CER1: variants seen among roughly 807,000 people sequenced by gnomAD.
The protein encoded by CER1 is cerberus.
In CER1, 10 loss-of-function variants were observed where a neutral mutation model predicts 11.8. The observed-to-expected ratio is 0.85, with a 90% CI of 0.52 to 1.44. CER1 has a LOEUF of 1.44. Among genes scored for constraint, CER1 ranks in the 40% most tolerant of loss-of-function variants. The pLI is 0.00. For missense variants in CER1, 431 were observed against 327.0 expected, an observed-to-expected ratio of 1.32 and a Z score of -2.45; for synonymous variants, 141 against 122.3, an observed-to-expected ratio of 1.15 and a Z score of -1.01.
chr9:14,720,716 TTACA>T (rs1839997701), intron 1 of CER1, among the ~76,000 whole-genome samples: 1 of 152,234 alleles, frequency 6.6e-6, no homozygotes, highest in Non-Finnish European at 1.5e-5. Flanking sequence ...GGTAATTATC[TTACA>T]TAAGTAATGT....
downstream of CER1, among the ~76,000 whole-genome samples, chr9:14,719,556 TG>T (rs1563779967): frequency 1.9e-3 from 118 of 62,242 alleles, no homozygotes; most frequent in South Asian, 3.0e-3. Context: ...CCTGCCTGCC[TG>T]CCTGCCTTCC....
Position 14,720,205 on chromosome 9 carries a change from A to G in CER1, c.689T>C (p.Ile230Thr). Residue 230 changes from isoleucine (I) to threonine (T), a missense_variant, in exon 2 of 2, where the codon ATC (isoleucine) becomes ACC (threonine). Ile to Thr is a moderately conservative substitution (Grantham distance 89, BLOSUM62 -1). Transcript: ENST00000380911. ...CTCCTCCACCAGCATCACCACCTTG[A>G]TCACGGAGGAAAGTTCAGTGCAGTT... is the stretch of plus-strand genomic sequence containing the variant. The part of the protein sequence containing the change: ...PLNCTELSSV[I>T]KVVMLVEECQ... 6.2e-7 allele frequency: 1 copy of G among 1,614,176 alleles called. No individual in the cohort carries two copies. The highest frequency in any genetic ancestry group is 8.5e-7 in the Non-Finnish European group (1 of 1,180,022).
downstream of CER1, among the ~76,000 whole-genome samples, chr9:14,719,573 T>G (rs1231742552): frequency 1.7e-3 from 167 of 98,426 alleles, no homozygotes; most frequent in African/African-American, 8.4e-3. Flanking sequence ...CTTCCTTCCT[T>G]CCTTCCTTCC....
chr9:14,721,401 A>T (rs1840010591), intron 1 of CER1, among the ~76,000 whole-genome samples: 1 of 152,228 alleles, frequency 6.6e-6, no homozygotes, highest in African/African-American at 2.4e-5. Context: ...GATCATAATA[A>T]CTACAAATCA....
At chr9:14,720,845 G>C (rs1190031381) in intron 1 of CER1, among the ~76,000 whole-genome samples, 2 of 152,114 alleles carry the variant, frequency 1.3e-5, no homozygotes, top group Non-Finnish European at 2.9e-5. Flanking sequence ...ATCCTATTCT[G>C]CAAGACCTGT....
rs1246429641 is a variant in CER1, at chr9:14,719,931, C to T, written c.*159G>A. 1.5e-6 allele frequency: 1 copy of T among 654,078 alleles called. No individual in the cohort carries two copies. The highest frequency in any genetic ancestry group is 2.6e-6 in the Non-Finnish European group (1 of 382,546). 40.5% of individuals were successfully genotyped at this position (654,078 alleles called of 1,614,324 possible). On this transcript the variant is annotated 3_prime_UTR_variant, in exon 2 of 2. Transcript: ENST00000380911. ...CAAGGTCTCAAACGTGTACCAATAACTAGACTAATATCATTTCCTCTATCG... is the reference window on the plus strand; with the variant it reads ...CAAGGTCTCAAACGTGTACCAATAATTAGACTAATATCATTTCCTCTATCG...
chr9:14,717,929 C>T (rs1839958123), downstream of CER1, among the ~76,000 whole-genome samples: 1 of 152,138 alleles, frequency 6.6e-6, no homozygotes, highest in African/African-American at 2.4e-5. Context: ...AAATTGTTAA[C>T]TTCTTGTAAA....
chr9:14,719,457 CA>C (rs1329871982), downstream of CER1, among the ~76,000 whole-genome samples: 1 of 152,078 alleles, frequency 6.6e-6, no homozygotes, highest in African/African-American at 2.4e-5. Flanking sequence ...GTTTGGGTTG[CA>C]AAAGTAACTA....
At chr9:14,721,537 A>G (rs1840012094) in intron 1 of CER1, among the ~76,000 whole-genome samples, 1 of 152,230 alleles carries the variant, frequency 6.6e-6, no homozygotes, top group Non-Finnish European at 1.5e-5. Flanking sequence ...TTTTGCTATC[A>G]TAATACTAGA....
At position 14,719,853 on chromosome 9, in the gene CER1, G is replaced by T; in HGVS notation, c.*237C>A. 2.1e-6 allele frequency: 1 copy of T among 480,988 alleles called. No individual in the cohort carries two copies. Among genetic ancestry groups the T allele is most frequent in the Non-Finnish European group, 3.8e-6 (1 of 265,572 alleles). 29.8% of individuals were successfully genotyped at this position (480,988 alleles called of 1,614,324 possible). On this transcript the variant is annotated 3_prime_UTR_variant, in exon 2 of 2. Transcript: ENST00000380911. ...ATTTATAGATGAAAATCTTTAGATG[G>T]AGAAAGGTTTTACAACTTAACATTC...
chr9:14,717,835 G>A (rs1413834533), downstream of CER1, among the ~76,000 whole-genome samples: 1 of 152,134 alleles, frequency 6.6e-6, no homozygotes, highest in Non-Finnish European at 1.5e-5. Flanking sequence ...ATGCTCTTAG[G>A]CAAATTCTGA....
At position 14,720,430 on chromosome 9, in the gene CER1, C is replaced by A. The variant is rs775193222; in HGVS notation, c.508-44G>T. On this transcript the variant is annotated intron_variant, in intron 1 of 1. Coordinates refer to ENST00000380911, the MANE Select transcript of CER1 (RefSeq NM_005454.3). Reference sequence around the variant, plus strand: ...TCCATTACGTTATTTTGAATTATTTCTTTAACACACATAATGCAGAAGCTA... The same window carrying A: ...TCCATTACGTTATTTTGAATTATTTATTTAACACACATAATGCAGAAGCTA... 1.5e-5 allele frequency: 23 copies of A among 1,533,880 alleles called. No individual in the cohort carries two copies. In the East Asian group the frequency reaches 4.5e-4, roughly 30 times the overall value.
intron 1 of CER1, among the ~76,000 whole-genome samples, chr9:14,721,851 T>C (rs1262779573): frequency 6.6e-6 from 1 of 152,170 alleles, no homozygotes; most frequent in Non-Finnish European, 1.5e-5. Context: ...GTCTGACTTA[T>C]ATCTCTGAGT....
rs147669691 is a variant in CER1 at position 14,722,542 on chromosome 9, G to T, written c.131C>A (p.Thr44Lys). Residue 44 changes from threonine to lysine, a missense_variant, in exon 1 of 2, where the codon ACA (threonine) becomes AAA (lysine). By Grantham distance (78) the Thr-to-Lys change is moderately conservative (BLOSUM62 -1). Coordinates refer to ENST00000380911, the MANE Select transcript of CER1 (RefSeq NM_005454.3). ...CTCCTCAGCTTCCTCATGGTTGCCT[G>T]TGGGAAGCTCTCTTTGATTCCTTGG... ...LLPRNQRELP[T>K]GNHEEAEEKP... 2.5e-6 allele frequency: 4 copies of T among 1,614,216 alleles called. No individual in the cohort carries two copies. The African/African-American group carries it at 5.3e-5, about 22-fold the overall frequency.
intron 1 of CER1, among the ~76,000 whole-genome samples, 165 bp downstream of exon 1, chr9:14,722,001 G>T (rs1451559640): frequency 6.6e-6 from 1 of 152,192 alleles, no homozygotes; most frequent in Non-Finnish European, 1.5e-5. Flanking sequence ...GGAAAGGCCA[G>T]AAGGAAACTT....
Position 14,722,429 on chromosome 9 carries a change from T to G in CER1, c.244A>C (p.Arg82=). 1 of 1,614,220 alleles carries G rather than the reference T, an allele frequency of 6.2e-7. No individual in the cohort carries two copies. Among genetic ancestry groups the G allele is most frequent in the East Asian group, 2.2e-5 (1 of 44,890 alleles). Residue 82 remains arginine (R), a synonymous_variant, in exon 1 of 2, where the codon AGA becomes CGA. Transcript: ENST00000380911. ...GQRQREKMLS[R]FGRFWKKPER... ...GGCTTCTTCCAGAACCTGCCAAATC[T>G]GGACAGCATCTTCTCTCTCTGCCTC...
Position 14,720,246 on chromosome 9 carries a change from C to T in CER1, c.648G>A (p.Thr216=), listed in dbSNP as rs760306709. ...CSHCLPAKFT[T]MHLPLNCTEL... ...CAGTGCAGTTCAGTGGCAAGTGCATCGTGGTGAACTTGGCAGGCAAACAGT... is the reference window on the plus strand; with the variant it reads ...CAGTGCAGTTCAGTGGCAAGTGCATTGTGGTGAACTTGGCAGGCAAACAGT... The change falls in exon 2 of 2, where the codon ACG becomes ACA. Residue 216 remains threonine (T), a synonymous_variant. Coordinates refer to ENST00000380911, the MANE Select transcript of CER1 (RefSeq NM_005454.3). The T allele has an allele frequency of 1.3e-5, 21 of 1,614,094 alleles. No homozygotes were observed. Among genetic ancestry groups the T allele is most frequent in the South Asian group, 3.3e-5 (3 of 91,074 alleles).
At chr9:14,721,892 A>G (rs1167069026) in intron 1 of CER1, among the ~76,000 whole-genome samples, 2 of 152,168 alleles carry the variant, frequency 1.3e-5, no homozygotes, top group African/African-American at 4.8e-5. Flanking sequence ...ATAAATAAAT[A>G]AAACAGAGCT....
chr9:14,720,636 C>T lies in CER1; in HGVS notation c.508-250G>A, dbSNP rs181892984. ...CTAAGTTAACATAAAAAATATTTTA[C>T]TCTACATTATTCGTGCAAAACCTTA... On this transcript the variant is annotated intron_variant, in intron 1 of 1. Coordinates refer to ENST00000380911, the MANE Select transcript of CER1 (RefSeq NM_005454.3). Among the ~76,000 whole-genome samples the T allele has an allele frequency of 4.6e-3, 695 of 152,296 alleles. 2 individuals carry two copies. The highest frequency in any genetic ancestry group is 7.0e-3 in the Non-Finnish European group (474 of 68,032).
Sources: gnomAD v4.1 joint callset for allele counts (sites outside exome capture counted in the v4.1 genomes callset) on GRCh38, gnomAD v4.1.1 for gene constraint, MANE v1.5 for transcripts, NCBI Gene and HGNC (gene_info 2026-07-23, HGNC 2026-07-21) for gene names.